Variants in PTPRD observed in about 807,000 individuals in gnomAD.
PTPRD encodes protein tyrosine phosphatase receptor type D.
A neutral mutation model predicts 214.5 loss-of-function variants in PTPRD; 34 were observed. The ratio of observed to expected loss-of-function variants is 0.16; its 90% CI spans 0.12 to 0.21. PTPRD has a LOEUF of 0.21. Ranked by LOEUF, PTPRD falls within the 10% of genes least tolerant of loss-of-function variation. The pLI, the probability that PTPRD is intolerant of heterozygous loss-of-function variation, is 1.00. For synonymous variants in PTPRD, 1,128 were observed against 845.7 expected (o/e 1.33, Z -5.79); for missense variants, 2,545 against 2,398.7 (o/e 1.06, Z -1.27).
chr9:8,571,064 G>A (rs1243423222), intron 14 of PTPRD, among the ~76,000 whole-genome samples: 1 of 151,910 alleles, frequency 6.6e-6, no homozygotes, highest in African/African-American at 2.4e-5. Context: ...ACAGGTATGG[G>A]CAAAGTACTC....
At chr9:10,217,606 G>A (rs1034101100) in intron 3 of PTPRD, among the ~76,000 whole-genome samples, 2 of 151,956 alleles carry the variant, frequency 1.3e-5, no homozygotes, top group African/African-American at 4.8e-5. Flanking sequence ...CTTGAGATGA[G>A]CTTAATGCCT....
At chr9:9,306,600 CTTTAAAA>C (rs1957236139) in intron 9 of PTPRD, among the ~76,000 whole-genome samples, 1 of 139,274 alleles carries the variant, frequency 7.2e-6, no homozygotes, top group South Asian at 2.4e-4. Context: ...TCCATCTTTT[CTTTAAAA>C]TCATCAATAA....
In PTPRD at chr9:8,437,423, A is replaced by G. The variant is rs1467331985; in HGVS notation, c.3989-734T>C. The stretch of plus-strand genomic sequence containing the variant: ...ACATTAAGATCGCTAATATTTCACA[A>G]ACCTGTAGGTGACTGACATTCACAT... On this transcript the variant is annotated intron_variant, in intron 34 of 45. Coordinates refer to ENST00000381196, the MANE Select transcript of PTPRD (RefSeq NM_002839.4). Among the ~76,000 whole-genome samples the G allele has an allele frequency of 5.9e-5, 9 of 152,208 alleles. No homozygotes were observed. The East Asian group carries it at 1.5e-3, about 26-fold the overall frequency.
intron 11 of PTPRD, among the ~76,000 whole-genome samples, chr9:8,903,567 G>T (rs1363637322): frequency 6.6e-6 from 1 of 152,148 alleles, no homozygotes; most frequent in Non-Finnish European, 1.5e-5. Context: ...GATGAATGTT[G>T]TTGCACTGTA....
At chr9:9,953,725 C>T (rs947809595) in intron 4 of PTPRD, among the ~76,000 whole-genome samples, 9 of 152,078 alleles carry the variant, frequency 5.9e-5, no homozygotes, top group Admixed American at 6.6e-5. Flanking sequence ...CTGAAGCAAC[C>T]GGTTTTAAAC....
intron 7 of PTPRD, among the ~76,000 whole-genome samples, chr9:9,658,559 C>T (rs2096564700): frequency 6.6e-6 from 1 of 152,102 alleles, no homozygotes; most frequent in African/African-American, 2.4e-5. Flanking sequence ...GCCTCGATCT[C>T]TCCAAGAAGA....
At chr9:10,200,159 G>A (rs2099413922) in intron 3 of PTPRD, among the ~76,000 whole-genome samples, 8 of 151,918 alleles carry the variant, frequency 5.3e-5, no homozygotes. Flanking sequence ...CCTCCCTCTT[G>A]TTTCAGTAAT....
At position 9,989,622 on chromosome 9, in the gene PTPRD, G is replaced by A. The variant is rs192785588; in HGVS notation, c.-472+44096C>T. Among the ~76,000 whole-genome samples, 268 of 151,994 alleles carry A rather than the reference G, an allele frequency of 1.8e-3. 2 individuals carry two copies. Among genetic ancestry groups the A allele is most frequent in the African/African-American group, 6.0e-3 (249 of 41,440 alleles). ...TCACCACCCTCCAATTTTTTCACAC[G>A]ACCTCATTCCTCCTGGACACTGGAA... On this transcript the variant is annotated intron_variant, in intron 4 of 45. Coordinates refer to ENST00000381196, the MANE Select transcript of PTPRD (RefSeq NM_002839.4).
intron 10 of PTPRD, among the ~76,000 whole-genome samples, chr9:9,159,278 T>C (rs956778849): frequency 8.6e-5 from 13 of 151,896 alleles, no homozygotes; most frequent in Non-Finnish European, 1.6e-4. Context: ...AAATGAAGAA[T>C]AGAAAAAATA....
chr9:10,357,772 G>A (rs958598172), intron 2 of PTPRD, among the ~76,000 whole-genome samples: 14 of 152,104 alleles, frequency 9.2e-5, no homozygotes, highest in African/African-American at 3.4e-4. Flanking sequence ...ATAAAGTGCC[G>A]GAATAGGCAC....
intron 4 of PTPRD, among the ~76,000 whole-genome samples, chr9:9,969,609 A>G (rs546654383): frequency 6.6e-6 from 1 of 152,336 alleles, no homozygotes; most frequent in Non-Finnish European, 1.5e-5. Flanking sequence ...GCACAGAATG[A>G]GATCAAAGAA....
chr9:8,963,487 A>G (rs547772280), intron 11 of PTPRD, among the ~76,000 whole-genome samples: 1 of 152,276 alleles, frequency 6.6e-6, no homozygotes, highest in African/African-American at 2.4e-5. Context: ...GATTCTATCA[A>G]AAACTTTTTC....
At chr9:10,003,110 G>A (rs959131467) in intron 4 of PTPRD, among the ~76,000 whole-genome samples, 1 of 151,782 alleles carries the variant, frequency 6.6e-6, no homozygotes, top group African/African-American at 2.4e-5. Context: ...TGTCTTAAAG[G>A]AAAGATAGTC....
chr9:10,591,427 G>C lies in PTPRD; in HGVS notation c.-600+20971C>G, dbSNP rs188035584. 2.0e-5 allele frequency among the ~76,000 whole-genome samples: 3 copies of C among 152,138 alleles called. No individual in the cohort carries two copies. The East Asian group carries it at 5.8e-4, about 30-fold the overall frequency. On this transcript the variant is annotated intron_variant, in intron 2 of 45. Coordinates refer to ENST00000381196, the MANE Select transcript of PTPRD (RefSeq NM_002839.4). Reference sequence around the variant, plus strand: ...TTAATTTTGTCTTGTTTTGCTTTGAGAGTTGTTTGCAGGAGATGTGAACAC... The same window carrying C: ...TTAATTTTGTCTTGTTTTGCTTTGACAGTTGTTTGCAGGAGATGTGAACAC...
rs550002051 is a variant in PTPRD at position 8,399,640 on chromosome 9, C to A, written c.4210+4897G>T. Among the ~76,000 whole-genome samples, 3 of 152,226 alleles carry A rather than the reference C, an allele frequency of 2.0e-5. No homozygotes were observed. The South Asian group carries it at 6.2e-4, about 32-fold the overall frequency. ...TTCATTTTGACTTGGAGTCTAAGAA[C>A]ACAACTGAAGATCTCTAGTTCTAAG... is the stretch of plus-strand genomic sequence containing the variant. On this transcript the variant is annotated intron_variant, in intron 36 of 45. Coordinates refer to ENST00000381196, the MANE Select transcript of PTPRD (RefSeq NM_002839.4).
At chr9:10,271,519 T>C (rs2498632) in intron 3 of PTPRD, among the ~76,000 whole-genome samples, 77,507 of 143,018 alleles carry the variant, frequency 0.54, 22,954 homozygotes, top group Non-Finnish European at 0.68. Flanking sequence ...CCAATACTGA[T>C]AAATTCAATT....
At chr9:9,975,523 C>T (rs147662235) in intron 4 of PTPRD, among the ~76,000 whole-genome samples, 2 of 152,318 alleles carry the variant, frequency 1.3e-5, no homozygotes, top group East Asian at 1.9e-4. Context: ...TCACCTGGAA[C>T]TTATTAGGCA....
intron 7 of PTPRD, among the ~76,000 whole-genome samples, chr9:9,655,343 G>T (rs1420506750): frequency 2.6e-5 from 4 of 152,150 alleles, no homozygotes; most frequent in Non-Finnish European, 5.9e-5. Flanking sequence ...GTCAAGGTGG[G>T]CAGATCACCT....
chr9:10,537,780 TA>T (rs1429236408), intron 2 of PTPRD, among the ~76,000 whole-genome samples: 3 of 152,148 alleles, frequency 2.0e-5, no homozygotes, highest in African/African-American at 4.8e-5. Context: ...TCCTAATAAC[TA>T]AATCTTACAT....
Sources: gnomAD v4.1 joint callset for allele counts (sites outside exome capture counted in the v4.1 genomes callset) on GRCh38, gnomAD v4.1.1 for gene constraint, MANE v1.5 for transcripts, NCBI Gene and HGNC (gene_info 2026-07-23, HGNC 2026-07-21) for gene names.